Variants in ZC3H13 observed in about 807,000 individuals in gnomAD.
ZC3H13 encodes zinc finger CCCH-type containing 13.
A neutral mutation model predicts 204.1 loss-of-function variants in ZC3H13; 64 were observed. The ratio of observed to expected loss-of-function variants is 0.31; its 90% CI spans 0.26 to 0.39. ZC3H13 has a LOEUF of 0.39. Ranked by LOEUF, ZC3H13 falls within the 10% of genes least tolerant of loss-of-function variation. The probability of loss-of-function intolerance (pLI) is 1.00; values close to 1 mark genes in which losing one functional copy is unlikely to be tolerated. For synonymous variants in ZC3H13, 667 were observed against 693.7 expected (o/e 0.96, Z 0.60); for missense variants, 1,833 against 2,082.7 (o/e 0.88, Z 2.33).
chr13:45,999,131 T>A (rs553998640), intron 8 of ZC3H13, among the ~76,000 whole-genome samples: 137 of 152,170 alleles, frequency 9.0e-4, no homozygotes, highest in Non-Finnish European at 1.7e-3. Flanking sequence ...GCCCAGCTAC[T>A]TGGGAGGGTG....
chr13:45,969,727 T>A lies in ZC3H13; in HGVS notation c.2817A>T (p.Gly939=). The A allele has an allele frequency of 1.2e-6, 2 of 1,613,882 alleles. No homozygotes were observed. The highest frequency in any genetic ancestry group is 1.7e-6 in the Non-Finnish European group (2 of 1,180,012). ...TCTCTCGATCTTCAGACTGGTGGTGTCCTATAATGTCCTGTGCACGCATTC... is the reference window on the plus strand; with the variant it reads ...TCTCTCGATCTTCAGACTGGTGGTGACCTATAATGTCCTGTGCACGCATTC... ...SSRMRAQDII[G]HHQSEDRETS... The change falls in exon 14 of 19, where the codon GGA becomes GGT. Residue 939 remains glycine (G), a synonymous_variant. Transcript: ENST00000679008.
intron 8 of ZC3H13, among the ~76,000 whole-genome samples, chr13:45,998,372 G>A (rs1039923129): frequency 2.0e-4 from 30 of 152,186 alleles, no homozygotes; most frequent in Admixed American, 1.3e-3. Context: ...CAGGCCGGGC[G>A]CGGTGGCTCA....
rs1001065214 is a variant in ZC3H13, at chr13:45,978,856, C to T, written c.1912+957G>A. Among the ~76,000 whole-genome samples the T allele has an allele frequency of 7.9e-5, 12 of 152,114 alleles. No homozygotes were observed. In the East Asian group the frequency reaches 1.2e-3, roughly 15 times the overall value. ...CCTATCTGTAACTAAGGAAATTCTA[C>T]ACATCTTTTAACCAAAATGCATTAG... On this transcript the variant is annotated intron_variant, in intron 11 of 18. Coordinates refer to ENST00000679008, the MANE Select transcript of ZC3H13 (RefSeq NM_001330564.2).
chr13:46,021,311 A>C (rs1342864888), intron 4 of ZC3H13, among the ~76,000 whole-genome samples: 1 of 152,042 alleles, frequency 6.6e-6, no homozygotes, highest in Non-Finnish European at 1.5e-5. Context: ...TATAAAAGTC[A>C]ATTAAATGTC....
chr13:46,022,878 C>A (rs2138848055), intron 4 of ZC3H13, among the ~76,000 whole-genome samples: 1 of 148,350 alleles, frequency 6.7e-6, no homozygotes, highest in South Asian at 2.2e-4. Flanking sequence ...TCAATTAAGA[C>A]CAGGTTTTGC....
chr13:46,033,314 T>C (rs2043012466), intron 4 of ZC3H13, among the ~76,000 whole-genome samples: 1 of 152,126 alleles, frequency 6.6e-6, no homozygotes, highest in Admixed American at 6.5e-5. Context: ...TATATATTCC[T>C]AATAGACAGA....
chr13:46,013,412 C>CA (rs562249055), intron 5 of ZC3H13, among the ~76,000 whole-genome samples: 3,850 of 104,604 alleles, frequency 0.037, 66 homozygotes, highest in African/African-American at 0.073. Flanking sequence ...GACTTCGTCT[C>CA]AAAAAAAAAA....
At chr13:46,004,681 A>G (rs1359857920) in intron 7 of ZC3H13, among the ~76,000 whole-genome samples, 1 of 152,220 alleles carries the variant, frequency 6.6e-6, no homozygotes, top group Non-Finnish European at 1.5e-5. Context: ...TCATTATTCA[A>G]AAAACACAAT....
At chr13:46,044,215 T>C (rs1476667241) in intron 3 of ZC3H13, among the ~76,000 whole-genome samples, 1 of 151,924 alleles carries the variant, frequency 6.6e-6, no homozygotes, top group African/African-American at 2.4e-5. Context: ...GTTCAGTTTT[T>C]ATAGTGTTGC....
At chr13:45,980,967 TAGATA>T (rs1194086690) in intron 10 of ZC3H13, among the ~76,000 whole-genome samples, 1 of 152,202 alleles carries the variant, frequency 6.6e-6, no homozygotes, top group Non-Finnish European at 1.5e-5. Flanking sequence ...TACTATGCTA[TAGATA>T]AGATGTTAGA....
intron 11 of ZC3H13, among the ~76,000 whole-genome samples, chr13:45,977,656 T>C (rs1277798630): frequency 1.3e-5 from 2 of 152,158 alleles, no homozygotes; most frequent in African/African-American, 2.4e-5. Context: ...TTCTAAAATA[T>C]TTCTTTGTTC....
intron 11 of ZC3H13, among the ~76,000 whole-genome samples, chr13:45,976,462 T>C (rs1034964517): frequency 1.3e-5 from 2 of 152,188 alleles, no homozygotes; most frequent in Non-Finnish European, 2.9e-5. Flanking sequence ...ATGTAAAAAG[T>C]GTTTCATATT....
intron 4 of ZC3H13, among the ~76,000 whole-genome samples, chr13:46,036,823 A>G (rs1260697069): frequency 6.6e-6 from 1 of 152,024 alleles, no homozygotes; most frequent in Non-Finnish European, 1.5e-5. Context: ...GGCTCAAGTA[A>G]TTCTCCTGGC....
At position 45,969,879 on chromosome 13, in the gene ZC3H13, A is replaced by T. The variant is rs764976583; in HGVS notation, c.2665T>A (p.Trp889Arg). The T allele has an allele frequency of 6.2e-6, 10 of 1,613,734 alleles. No individual in the cohort carries two copies. Among genetic ancestry groups the T allele is most frequent in the Non-Finnish European group, 6.8e-6 (8 of 1,179,964 alleles). ...TCTGGTTTACGATCCTCCTCTTTCC[A>T]TCTACCCTGTCTGTCTTCTGTGAGG... is the stretch of plus-strand genomic sequence containing the variant. ...SHLTEDRQGR[W>R]KEEDRKPERK... Residue 889 changes from tryptophan (W) to arginine (R), a missense_variant, in exon 14 of 19, where the codon TGG (tryptophan) becomes AGG (arginine). Physicochemically the swap from Trp to Arg is moderately radical, Grantham distance 101. Transcript: ENST00000679008.
At chr13:45,975,207 T>C (rs983890939) in intron 12 of ZC3H13, 76 bp downstream of exon 12, 4 of 1,526,786 alleles carry the variant, frequency 2.6e-6, no homozygotes, top group Admixed American at 2.1e-5. Flanking sequence ...TAAGAGTATA[T>C]TGAAAAGCAT....
At chr13:46,037,605 T>C (rs1187540016) in intron 4 of ZC3H13, among the ~76,000 whole-genome samples, 2 of 152,214 alleles carry the variant, frequency 1.3e-5, no homozygotes, top group Non-Finnish European at 2.9e-5. Context: ...CCTCTACTGA[T>C]TAAATGCAAC....
chr13:46,005,981 G>A (rs2041114440), intron 7 of ZC3H13, among the ~76,000 whole-genome samples: 1 of 151,640 alleles, frequency 6.6e-6, no homozygotes, highest in East Asian at 1.9e-4. Flanking sequence ...TGTAATCCCA[G>A]CTACTCAGGA....
chr13:45,965,573 C>A, intron 15 of ZC3H13, 141 bp from the exon 16 acceptor site: 1 of 694,434 alleles, frequency 1.4e-6, no homozygotes, highest in Non-Finnish European at 2.1e-6. Context: ...CTTAATTATT[C>A]AAATACTTGA....
intron 8 of ZC3H13, among the ~76,000 whole-genome samples, chr13:45,992,158 G>A (rs1250136169): frequency 6.6e-6 from 1 of 152,026 alleles, no homozygotes; most frequent in East Asian, 1.9e-4. Flanking sequence ...TGTTTTCAGT[G>A]ATAAAATACA....
Sources: allele counts gnomAD v4.1 joint callset (sites outside exome capture counted in the v4.1 genomes callset), GRCh38; gene constraint gnomAD v4.1.1; transcripts MANE v1.5; gene names NCBI Gene and HGNC (gene_info 2026-07-23, HGNC 2026-07-21).